The following MTNAP1 variants were observed in gnomAD, a reference collection of about 807,000 sequenced individuals.
The protein encoded by MTNAP1 is mitochondrial nucleoid associated protein 1.
the MTNAP1 span, chr17:73,245,134 T>C: frequency 6.2e-7 from 1 of 1,611,236 alleles, no homozygotes; most frequent in Non-Finnish European, 8.5e-7. Context: ...AAGTGGCCTC[T>C]CGGATCCTTA....
At chr17:73,236,724 G>T in the MTNAP1 span, 18 of 1,614,166 alleles carry the variant, frequency 1.1e-5, no homozygotes, top group Non-Finnish European at 1.4e-5. Context: ...TATCTCTGGA[G>T]CCCAAATCTG....
chr17:73,247,509 G>A, the MTNAP1 span: 1 of 606,414 alleles, frequency 1.6e-6, no homozygotes, highest in East Asian at 2.8e-5. Flanking sequence ...TATAAATAAA[G>A]TAGTATCACT....
At chr17:73,237,038 T>G in the MTNAP1 span, 1 of 1,482,104 alleles carries the variant, frequency 6.7e-7, no homozygotes. Context: ...CCATCCAAAA[T>G]GCTCTCTCTG....
At chr17:73,244,876 AAAG>A in the MTNAP1 span, among the ~76,000 whole-genome samples, 3,739 of 152,294 alleles carry the variant, frequency 0.025, 162 homozygotes, top group African/African-American at 0.086. Context: ...TGGGTGAGGA[AAAG>A]AAGTGCCTTT....
At chr17:73,240,481 A>C in the MTNAP1 span, among the ~76,000 whole-genome samples, 1 of 152,236 alleles carries the variant, frequency 6.6e-6, no homozygotes, top group Non-Finnish European at 1.5e-5. Context: ...AGGCCATATC[A>C]ATCTATAGGG....
chr17:73,236,915 TGCCA>T, the MTNAP1 span: 2 of 1,613,744 alleles, frequency 1.2e-6, no homozygotes, highest in Non-Finnish European at 1.7e-6. Flanking sequence ...CTAGGGGTGT[TGCCA>T]GGGAAGCCTC....
chr17:73,246,506 A>G, the MTNAP1 span, among the ~76,000 whole-genome samples: 1 of 152,228 alleles, frequency 6.6e-6, no homozygotes, highest in African/African-American at 2.4e-5. Flanking sequence ...ATTGCATTCC[A>G]GCCTGGGTGA....
the MTNAP1 span, among the ~76,000 whole-genome samples, chr17:73,234,187 T>C: frequency 6.6e-6 from 1 of 152,306 alleles, no homozygotes; most frequent in African/African-American, 2.4e-5. Context: ...GATAGATATG[T>C]TTCCTGCCCT....
At chr17:73,235,924 C>T in the MTNAP1 span, 1 of 1,614,182 alleles carries the variant, frequency 6.2e-7, no homozygotes, top group Non-Finnish European at 8.5e-7. Flanking sequence ...GAAAACCTCT[C>T]CTAAAAGAGA....
At chr17:73,234,547 C>G in the MTNAP1 span, among the ~76,000 whole-genome samples, 2 of 152,000 alleles carry the variant, frequency 1.3e-5, no homozygotes, top group East Asian at 1.9e-4. Context: ...AAAAATTAGC[C>G]TGGCGTGGTG....
At chr17:73,236,070 T>G in the MTNAP1 span, 1 of 1,614,172 alleles carries the variant, frequency 6.2e-7, no homozygotes, top group Non-Finnish European at 8.5e-7. Context: ...TACCTAATGA[T>G]GTACAAACTA....
chr17:73,244,716 A>G, the MTNAP1 span: 300 of 153,320 alleles, frequency 2.0e-3, 1 homozygote, highest in African/African-American at 6.7e-3. Flanking sequence ...GAAAAAAAAA[A>G]ATCACAATTT....
At chr17:73,234,803 T>C in the MTNAP1 span, among the ~76,000 whole-genome samples, 2 of 63,064 alleles carry the variant, frequency 3.2e-5, no homozygotes, top group African/African-American at 8.6e-5. Flanking sequence ...ATATGCATAT[T>C]ACTAAATGTT....
chr17:73,235,219 C>A, the MTNAP1 span, among the ~76,000 whole-genome samples: 3 of 150,660 alleles, frequency 2.0e-5, no homozygotes, highest in East Asian at 3.9e-4. Context: ...GACTCTGTTT[C>A]CAAAATAAAT....
At chr17:73,236,890 C>A in the MTNAP1 span, 1 of 1,614,034 alleles carries the variant, frequency 6.2e-7, no homozygotes, top group Non-Finnish European at 8.5e-7. Flanking sequence ...AGAGCTCTAT[C>A]CTGGTTACCT....
the MTNAP1 span, chr17:73,243,049 T>G: frequency 1.4e-6 from 2 of 1,442,112 alleles, no homozygotes; most frequent in African/African-American, 3.0e-5. Flanking sequence ...TCCCATTCCG[T>G]TATGTGGACC....
At chr17:73,247,472 G>A in the MTNAP1 span, 115 of 823,750 alleles carry the variant, frequency 1.4e-4, no homozygotes, top group Non-Finnish European at 2.1e-4. Flanking sequence ...CAGCCCTCAA[G>A]GTTATCAGGA....
the MTNAP1 span, chr17:73,236,162 A>C: frequency 6.2e-7 from 1 of 1,614,186 alleles, no homozygotes; most frequent in Non-Finnish European, 8.5e-7. Context: ...CCTACTGGTG[A>C]TTGTCATATT....
chr17:73,245,745 G>C, the MTNAP1 span: 1 of 983,540 alleles, frequency 1.0e-6, no homozygotes, highest in East Asian at 1.1e-4. Flanking sequence ...CCGAAAAAAA[G>C]CTTACAAATA....
Sources: allele counts gnomAD v4.1 joint callset (sites outside exome capture counted in the v4.1 genomes callset), GRCh38; gene constraint gnomAD v4.1.1; transcripts MANE v1.5; gene names NCBI Gene and HGNC (gene_info 2026-07-23, HGNC 2026-07-21).